The following LRRFIP2 variants were observed in gnomAD, a reference collection of about 807,000 sequenced individuals.
LRRFIP2 encodes LRR binding FLII interacting protein 2, also known as leucine-rich repeat flightless-interacting protein 2.
LRRFIP2 carries 109 observed loss-of-function variants against 125.9 expected under a neutral mutation model. The observed-to-expected ratio is 0.87, with a 90% CI of 0.74 to 1.01. The LOEUF (loss-of-function observed/expected upper bound fraction) is 1.01, where lower values mean the gene tolerates loss of function less well. Among genes scored for constraint, LRRFIP2 ranks in the 50% least tolerant of loss-of-function variants. LRRFIP2 has a pLI of 0.00. For synonymous variants in LRRFIP2, 291 were observed against 293.1 expected (o/e 0.99, Z 0.07); for missense variants, 850 against 862.3 (o/e 0.99, Z 0.18).
At chr3:37,107,003 C>T (rs745384886) in intron 13 of LRRFIP2, among the ~76,000 whole-genome samples, 9 of 150,974 alleles carry the variant, frequency 6.0e-5, no homozygotes, top group Admixed American at 1.3e-4. Flanking sequence ...CTCCCGGGTT[C>T]AAGCAATTCT....
intron 19 of LRRFIP2, among the ~76,000 whole-genome samples, chr3:37,080,145 AT>A (rs551611766): frequency 5.3e-4 from 80 of 152,296 alleles, no homozygotes; most frequent in Non-Finnish European, 9.1e-4. Flanking sequence ...CACACCTGTA[AT>A]CCCAGCACTT....
intron 2 of LRRFIP2, among the ~76,000 whole-genome samples, chr3:37,142,347 C>T (rs2095731020): frequency 6.6e-6 from 1 of 151,924 alleles, no homozygotes; most frequent in East Asian, 1.9e-4. Flanking sequence ...CCATGTTGCC[C>T]CAGCCAGCTG....
At chr3:37,056,980 G>A (rs1435913960) in intron 25 of LRRFIP2, among the ~76,000 whole-genome samples, 1 of 152,014 alleles carries the variant, frequency 6.6e-6, no homozygotes, top group African/African-American at 2.4e-5. Context: ...CTTCATGTGT[G>A]TTTTGAAATC....
At chr3:37,130,198 T>C (rs1220008843) in intron 2 of LRRFIP2, among the ~76,000 whole-genome samples, 1 of 152,196 alleles carries the variant, frequency 6.6e-6, no homozygotes, top group Non-Finnish European at 1.5e-5. Flanking sequence ...ATTCTGGACA[T>C]TTCATATACA....
At chr3:37,087,926 G>C (rs888113289) in intron 18 of LRRFIP2, among the ~76,000 whole-genome samples, 1 of 152,178 alleles carries the variant, frequency 6.6e-6, no homozygotes, top group Non-Finnish European at 1.5e-5. Flanking sequence ...CAAAGTGTGG[G>C]TTCCAGATCA....
intron 1 of LRRFIP2, among the ~76,000 whole-genome samples, chr3:37,167,342 T>C (rs1370801114): frequency 6.6e-6 from 1 of 152,088 alleles, no homozygotes; most frequent in East Asian, 1.9e-4. Flanking sequence ...AATCGATTTT[T>C]TTGTGTTAGA....
At chr3:37,156,923 A>G (rs2096217717) in intron 1 of LRRFIP2, among the ~76,000 whole-genome samples, 1 of 151,820 alleles carries the variant, frequency 6.6e-6, no homozygotes, top group Non-Finnish European at 1.5e-5. Flanking sequence ...TGAGGTTGGG[A>G]GTTCAAGACC....
At chr3:37,151,502 A>C (rs2096022439) in intron 1 of LRRFIP2, among the ~76,000 whole-genome samples, 1 of 152,196 alleles carries the variant, frequency 6.6e-6, no homozygotes, top group Non-Finnish European at 1.5e-5. Context: ...TTTAAAGATT[A>C]TTCACTTACC....
At chr3:37,105,659 C>A in intron 13 of LRRFIP2, 136 bp from the exon 14 acceptor site, 1 of 589,154 alleles carries the variant, frequency 1.7e-6, no homozygotes, top group Non-Finnish European at 3.0e-6. Flanking sequence ...ATATAGTGGG[C>A]ACCTTATATA....
chr3:37,109,328 G>T (rs1347570708), intron 11 of LRRFIP2, among the ~76,000 whole-genome samples, 199 bp downstream of exon 11: 2 of 152,136 alleles, frequency 1.3e-5, no homozygotes, highest in Admixed American at 1.3e-4. Flanking sequence ...GCTACCAACA[G>T]CCCTCTGTGA....
Position 37,102,944 on chromosome 3 carries a change from T to C in LRRFIP2, c.853A>G (p.Ser285Gly), listed in dbSNP as rs924904990. The change falls in exon 15 of 28, where the codon AGT becomes GGT. Residue 285 changes from serine to glycine, a missense_variant. By Grantham distance (56) the Ser-to-Gly change is moderately conservative. Coordinates refer to ENST00000336686, the MANE Select transcript of LRRFIP2 (RefSeq NM_006309.4). ...CTCACGCTGGACAAATCTGGGATACTGATATCATCCACCTCAGAGACAACA... is the reference window on the plus strand; with the variant it reads ...CTCACGCTGGACAAATCTGGGATACCGATATCATCCACCTCAGAGACAACA... Reference protein sequence around the residue: ...GSVVSEVDDISIPDLSSLDEK... With the variant: ...GSVVSEVDDIGIPDLSSLDEK... 1.9e-6 allele frequency: 3 copies of C among 1,562,896 alleles called. No individual in the cohort carries two copies. Among genetic ancestry groups the C allele is most frequent in the African/African-American group, 2.7e-5 (2 of 73,916 alleles).
At chr3:37,135,167 A>G (rs2095525953) in intron 2 of LRRFIP2, 2 of 936,580 alleles carry the variant, frequency 2.1e-6, no homozygotes, top group African/African-American at 3.4e-5. Context: ...TTACTGTTTA[A>G]AAAAAAAAAA....
In LRRFIP2 at chr3:37,064,003, G is replaced by C; in HGVS notation, c.1700-212C>G. ...TTCCACACAACTGATATTTATCAGGGCACCAAATCCAACATTTGTTCCCCA... is the reference window on the plus strand; with the variant it reads ...TTCCACACAACTGATATTTATCAGGCCACCAAATCCAACATTTGTTCCCCA... On this transcript the variant is annotated intron_variant, in intron 23 of 27. Transcript: ENST00000336686. 6.0e-6 allele frequency: 3 copies of C among 502,104 alleles called. 1 individual carries two copies. The highest frequency in any genetic ancestry group is 1.1e-5 in the Non-Finnish European group (3 of 279,332). 31.1% of individuals were successfully genotyped at this position (502,104 alleles called of 1,614,324 possible). A position where few individuals can be genotyped will look rare whatever the true frequency, so the allele number is the denominator to read the frequency against.
chr3:37,104,726 A>T (rs1480255152), intron 14 of LRRFIP2, among the ~76,000 whole-genome samples: 2 of 152,224 alleles, frequency 1.3e-5, no homozygotes, highest in Non-Finnish European at 2.9e-5. Context: ...ATAACCTGAA[A>T]TTATATTATT....
chr3:37,113,204 A>C (rs2094617128), intron 7 of LRRFIP2, among the ~76,000 whole-genome samples: 1 of 152,158 alleles, frequency 6.6e-6, no homozygotes, highest in East Asian at 1.9e-4. Context: ...CTCTGTGCCA[A>C]GCATCTGTGT....
At chr3:37,132,009 C>T (rs2095439642) in intron 2 of LRRFIP2, among the ~76,000 whole-genome samples, 1 of 152,176 alleles carries the variant, frequency 6.6e-6, no homozygotes, top group Admixed American at 6.5e-5. Flanking sequence ...TAACCACTAA[C>T]AATCTAGAGA....
At chr3:37,137,139 T>C (rs1050985187) in intron 2 of LRRFIP2, among the ~76,000 whole-genome samples, 6 of 151,906 alleles carry the variant, frequency 3.9e-5, no homozygotes, top group African/African-American at 1.5e-4. Flanking sequence ...CAAACAATTT[T>C]TGTTTTTGTT....
intron 4 of LRRFIP2, among the ~76,000 whole-genome samples, chr3:37,127,380 C>T (rs1159792481): frequency 6.6e-6 from 1 of 152,018 alleles, no homozygotes; most frequent in Non-Finnish European, 1.5e-5. Flanking sequence ...AAAGAAAACA[C>T]ACATTCATTT....
chr3:37,171,573 C>T (rs1373703331), intron 1 of LRRFIP2, among the ~76,000 whole-genome samples: 1 of 152,074 alleles, frequency 6.6e-6, no homozygotes, highest in African/African-American at 2.4e-5. Context: ...AAAAACTTTG[C>T]AGAATAAAGA....
Sources: allele counts gnomAD v4.1 joint callset (sites outside exome capture counted in the v4.1 genomes callset), GRCh38; gene constraint gnomAD v4.1.1; transcripts MANE v1.5; gene names NCBI Gene and HGNC (gene_info 2026-07-23, HGNC 2026-07-21).